SIRPB2: variants seen among roughly 807,000 people sequenced by gnomAD.
SIRPB2 encodes signal regulatory protein beta 2.
In SIRPB2, 18 loss-of-function variants were observed where a neutral mutation model predicts 27.1. The ratio of observed to expected loss-of-function variants is 0.66; its 90% CI spans 0.46 to 0.98. The LOEUF (loss-of-function observed/expected upper bound fraction) is 0.98. Ranked by LOEUF, SIRPB2 falls within the 50% of genes least tolerant of loss-of-function variation. The probability of loss-of-function intolerance (pLI) is 0.00; values close to 1 mark genes in which losing one functional copy is unlikely to be tolerated. For synonymous variants in SIRPB2, 150 were observed against 164.6 expected, an observed-to-expected ratio of 0.91 and a Z score of 0.68; for missense variants, 420 against 417.4, an observed-to-expected ratio of 1.01 and a Z score of -0.06.
Position 1,489,560 on chromosome 20 carries a change from C to G in SIRPB2, c.85+1715G>C, listed in dbSNP as rs2090757694. Among the ~76,000 whole-genome samples, 3 of 152,150 alleles carry G rather than the reference C, an allele frequency of 2.0e-5. 1 individual carries two copies. Among genetic ancestry groups the G allele is most frequent in the Admixed American group, 2.0e-4 (3 of 15,282 alleles). On this transcript the variant is annotated intron_variant, in intron 1 of 4. Coordinates refer to ENST00000359801, the MANE Select transcript of SIRPB2 (RefSeq NM_001122962.2). ...TGGTGCCCACACCCCTTCCCTCCCT[C>G]TCCCCTTCTGAGTCCCCTTCTGTGT...
intron 2 of SIRPB2, chr20:1,479,336 A>G (rs1212406015): frequency 2.1e-5 from 6 of 288,408 alleles, no homozygotes; most frequent in Admixed American, 1.9e-4. Flanking sequence ...GTGGAAGACT[A>G]TTCTTCCTTG....
rs1169495477 is a variant in SIRPB2 at position 1,475,210 on chromosome 20, T to C, written c.*957A>G. ...GGTGATAGTGGGAAGAAGTGCTGGC[T>C]AGCTAGCTGGGCATTGAACTCAGGT... On this transcript the variant is annotated 3_prime_UTR_variant, in exon 5 of 5. Coordinates refer to ENST00000359801, the MANE Select transcript of SIRPB2 (RefSeq NM_001122962.2). 1 of 152,308 alleles carries C rather than the reference T, an allele frequency of 6.6e-6. No homozygotes were observed. The highest frequency in any genetic ancestry group is 1.5e-5 in the Non-Finnish European group (1 of 68,118). 9.4% of individuals were successfully genotyped at this position (152,308 alleles called of 1,614,324 possible). A position where few individuals can be genotyped will look rare whatever the true frequency, so the allele number is the denominator to read the frequency against.
chr20:1,491,099 G>T lies in SIRPB2; in HGVS notation c.85+176C>A, dbSNP rs545916598. On this transcript the variant is annotated intron_variant, in intron 1 of 4. Transcript: ENST00000359801. Reference sequence around the variant, plus strand: ...GCCTGGGAGCTTATCACTTCACTACGCTGCTTCTTGGGACACTGGGGGTGC... The same window carrying T: ...GCCTGGGAGCTTATCACTTCACTACTCTGCTTCTTGGGACACTGGGGGTGC... Among the ~76,000 whole-genome samples, 134 of 152,288 alleles carry T rather than the reference G, an allele frequency of 8.8e-4. 1 individual carries two copies. The highest frequency in any genetic ancestry group is 3.1e-3 in the African/African-American group (129 of 41,544).
chr20:1,481,032 C>T (rs1451732525), intron 1 of SIRPB2, among the ~76,000 whole-genome samples: 1 of 152,172 alleles, frequency 6.6e-6, no homozygotes, highest in African/African-American at 2.4e-5. Context: ...TGAGTTTATC[C>T]TCAAAGTGGA....
rs1259245186 is a variant in SIRPB2 at position 1,476,341 on chromosome 20, G to A, written c.860-5C>T. 4 of 1,609,700 alleles carry A rather than the reference G, an allele frequency of 2.5e-6. No individual in the cohort carries two copies. Among genetic ancestry groups the A allele is most frequent in the Non-Finnish European group, 3.4e-6 (4 of 1,178,440 alleles). On this transcript the variant is annotated splice_region_variant and splice_polypyrimidine_tract_variant and intron_variant, in intron 4 of 4. Transcript: ENST00000359801. ...GTGCGAACACAACCAGGAGGCCTGGGAGGCACAGGAGAGAGCTCAGGCGGG... is the reference window on the plus strand; with the variant it reads ...GTGCGAACACAACCAGGAGGCCTGGAAGGCACAGGAGAGAGCTCAGGCGGG...
chr20:1,478,655 C>G (rs377563796), intron 2 of SIRPB2, 48 bp from the exon 3 acceptor site: 1 of 1,441,604 alleles, frequency 6.9e-7, no homozygotes, highest in Non-Finnish European at 9.3e-7. Context: ...CCTCTTCCAT[C>G]GTTCACTCAT....
intron 1 of SIRPB2, among the ~76,000 whole-genome samples, chr20:1,485,454 T>C (rs115455022): frequency 0.011 from 1,625 of 152,218 alleles, 33 homozygotes; most frequent in African/African-American, 0.038. Flanking sequence ...TTTGCGGGAT[T>C]CTGTTAAAGC....
intron 1 of SIRPB2, among the ~76,000 whole-genome samples, chr20:1,485,352 C>G (rs78637162): frequency 5.9e-5 from 9 of 151,642 alleles, no homozygotes; most frequent in Admixed American, 1.3e-4. Context: ...TTACATGAAC[C>G]CCATAAATAT....
In SIRPB2 at chr20:1,480,064, A is replaced by G; in HGVS notation, c.87T>C (p.Asp29=). 3 of 1,602,464 alleles carry G rather than the reference A, an allele frequency of 1.9e-6. No homozygotes were observed. The highest frequency in any genetic ancestry group is 1.7e-6 in the Non-Finnish European group (2 of 1,174,650). Residue 29 remains aspartate, a splice_region_variant and synonymous_variant, in exon 2 of 5, where the codon GAT becomes GAC. Coordinates refer to ENST00000359801, the MANE Select transcript of SIRPB2 (RefSeq NM_001122962.2). ...LLLALVLVPS[D]ASGQSSRNDW... ...CATTCCTGCTGCTCTGCCCAGAGGC[A>G]TCTACAAAAGAGGAAGAAAGACCTT...
At chr20:1,484,206 T>C (rs1200496402) in intron 1 of SIRPB2, among the ~76,000 whole-genome samples, 1 of 152,108 alleles carries the variant, frequency 6.6e-6, no homozygotes, top group Admixed American at 6.5e-5. Flanking sequence ...TAAAGATGAA[T>C]TAAAGATCTA....
chr20:1,478,187 G>T, intron 3 of SIRPB2, 79 bp downstream of exon 3: 1 of 1,324,990 alleles, frequency 7.5e-7, no homozygotes, highest in Non-Finnish European at 1.1e-6. Context: ...TGAAGAACTG[G>T]CTTGTTCGGG....
intron 1 of SIRPB2, 62 bp downstream of exon 1, chr20:1,491,213 A>T (rs2090773730): frequency 4.2e-6 from 6 of 1,426,234 alleles, no homozygotes; most frequent in African/African-American, 2.9e-5. Flanking sequence ...CAGAGCACTT[A>T]GTGCCCCTCT....
intron 1 of SIRPB2, among the ~76,000 whole-genome samples, chr20:1,483,413 T>G (rs950504768): frequency 6.6e-6 from 1 of 152,132 alleles, no homozygotes; most frequent in African/African-American, 2.4e-5. Context: ...GGCCTTTTTT[T>G]GGGTCTTTTT....
rs35280142 is a variant in SIRPB2 at position 1,483,108 on chromosome 20, A to ATTT, written c.86-3046_86-3044dup. On this transcript the variant is annotated intron_variant, in intron 1 of 4. Coordinates refer to ENST00000359801, the MANE Select transcript of SIRPB2 (RefSeq NM_001122962.2). ...GTTCCCTTTTCTCCTCATCCTCATC[A>ATTT]TTTTTTTTTTTTTTTTGAGAGGGAG... Among the ~76,000 whole-genome samples the ATTT allele has an allele frequency of 6.6e-3, 897 of 136,422 alleles. 19 individuals are homozygous for ATTT. Among genetic ancestry groups the ATTT allele is most frequent in the African/African-American group, 0.024 (867 of 36,576 alleles). The allele number at this position is 136,422 out of a possible 152,430, so 89.5% of individuals were successfully genotyped here.
intron 2 of SIRPB2, chr20:1,479,247 G>A (rs763169815): frequency 6.4e-4 from 118 of 184,780 alleles, no homozygotes; most frequent in Non-Finnish European, 1.1e-3. Context: ...TGGGGAGTGT[G>A]GTAGATGACA....
chr20:1,473,806 G>A, downstream of SIRPB2: 1 of 456,272 alleles, frequency 2.2e-6, no homozygotes. Context: ...AGTTAGTGGA[G>A]AACCACCTCC....
intron 2 of SIRPB2, chr20:1,479,051 C>T (rs2090639302): frequency 5.9e-6 from 1 of 168,192 alleles, no homozygotes; most frequent in Non-Finnish European, 1.3e-5. Context: ...CACAAGCATC[C>T]ATTCTATTTA....
intron 1 of SIRPB2, among the ~76,000 whole-genome samples, chr20:1,485,961 C>T (rs998596538): frequency 6.6e-6 from 1 of 151,984 alleles, no homozygotes. Flanking sequence ...CCTGGTTAGC[C>T]CTATTATCTA....
intron 1 of SIRPB2, among the ~76,000 whole-genome samples, chr20:1,481,442 C>G (rs1027538615): frequency 6.6e-6 from 1 of 152,278 alleles, no homozygotes; most frequent in Admixed American, 6.5e-5. Flanking sequence ...ACTTAAGATT[C>G]TGCTCAACTC....
Sources: allele counts gnomAD v4.1 joint callset (sites outside exome capture counted in the v4.1 genomes callset), GRCh38; gene constraint gnomAD v4.1.1; transcripts MANE v1.5; gene names NCBI Gene and HGNC (gene_info 2026-07-23, HGNC 2026-07-21).